The following RALYL variants were observed in gnomAD, a reference collection of about 807,000 sequenced individuals.
RALYL encodes RALY RNA binding protein like.
A neutral mutation model predicts 35.1 loss-of-function variants in RALYL; 29 were observed. The ratio of observed to expected loss-of-function variants is 0.83; its 90% CI spans 0.61 to 1.13. The LOEUF (loss-of-function observed/expected upper bound fraction) is 1.13, where lower values mean the gene tolerates loss of function less well. RALYL is among the 50% of genes most tolerant of loss of function. RALYL has a pLI of 0.00. For synonymous variants in RALYL, 120 were observed against 127.6 expected (o/e 0.94, Z 0.40); for missense variants, 359 against 360.4 (o/e 1.00, Z 0.03).
intron 1 of RALYL, among the ~76,000 whole-genome samples, chr8:84,464,757 A>G (rs2051321158): frequency 6.6e-6 from 1 of 150,850 alleles, no homozygotes; most frequent in Non-Finnish European, 1.5e-5. Context: ...AGTCCCACCA[A>G]CAGTGTAAAA....
chr8:84,357,432 A>T (rs1852064761), intron 1 of RALYL, among the ~76,000 whole-genome samples: 2 of 152,000 alleles, frequency 1.3e-5, no homozygotes, highest in Non-Finnish European at 2.9e-5. Context: ...ATTTCTCATT[A>T]TATGCCAAGC....
At chr8:84,308,575 G>C (rs1842236468) in intron 1 of RALYL, among the ~76,000 whole-genome samples, 1 of 152,222 alleles carries the variant, frequency 6.6e-6, no homozygotes, top group East Asian at 1.9e-4. Context: ...GCATGCTAGG[G>C]AGTGAAGTTG....
rs1186999418 is a variant in RALYL, at chr8:84,868,062, A to G, written c.572-5222A>G. ...GTTTCTTGTCTGTCACTAGTTATAGAGTCCATGAGACCAGGGAGGCAGTTC... is the reference window on the plus strand; with the variant it reads ...GTTTCTTGTCTGTCACTAGTTATAGGGTCCATGAGACCAGGGAGGCAGTTC... On this transcript the variant is annotated intron_variant, in intron 6 of 8. Coordinates refer to ENST00000521268, the MANE Select transcript of RALYL (RefSeq NM_173848.7). Among the ~76,000 whole-genome samples, 6 of 152,152 alleles carry G rather than the reference A, an allele frequency of 3.9e-5. No homozygotes were observed. The East Asian group carries it at 1.2e-3, about 29-fold the overall frequency.
intron 1 of RALYL, among the ~76,000 whole-genome samples, chr8:84,352,355 A>G (rs978818489): frequency 2.0e-5 from 3 of 150,482 alleles, no homozygotes; most frequent in Non-Finnish European, 4.4e-5. Context: ...TAAACAAGAG[A>G]TATGGAAATT....
At chr8:84,415,205 G>GTTTTTTTTTTTTTTTT (rs33962115) in intron 1 of RALYL, among the ~76,000 whole-genome samples, 2 of 54,658 alleles carry the variant, frequency 3.7e-5, no homozygotes, top group Admixed American at 1.7e-4. Flanking sequence ...GCAGACACTC[G>GTTTTTTTTTTTTTTTT]TTTTTTTTTT....
At chr8:84,623,232 T>G (rs1821959051) in intron 2 of RALYL, among the ~76,000 whole-genome samples, 1 of 152,162 alleles carries the variant, frequency 6.6e-6, no homozygotes, top group African/African-American at 2.4e-5. Context: ...GGGCACAAGT[T>G]TTTCATAGGT....
intron 2 of RALYL, among the ~76,000 whole-genome samples, chr8:84,645,251 T>C (rs538658907): frequency 7.9e-5 from 12 of 152,106 alleles, no homozygotes; most frequent in Non-Finnish European, 1.6e-4. Context: ...TGTTGTGTTT[T>C]TGTTGTTGTT....
chr8:84,705,405 C>A (rs1841022892), intron 2 of RALYL, among the ~76,000 whole-genome samples: 2 of 152,020 alleles, frequency 1.3e-5, no homozygotes, highest in Admixed American at 1.3e-4. Context: ...ATTGTGTGCA[C>A]CTTCTATGTA....
At chr8:84,419,022 C>T (rs373274930) in intron 1 of RALYL, among the ~76,000 whole-genome samples, 1 of 152,220 alleles carries the variant, frequency 6.6e-6, no homozygotes, top group East Asian at 1.9e-4. Context: ...TGTTTTACAT[C>T]CCTCTCTTGT....
At chr8:84,679,496 G>A (rs1198961407) in intron 2 of RALYL, 2 of 340,944 alleles carry the variant, frequency 5.9e-6, no homozygotes, top group South Asian at 2.5e-5. Context: ...GCTTCATTGA[G>A]TTATTGGATA....
chr8:84,798,891 AG>A (rs1822544433), intron 3 of RALYL, among the ~76,000 whole-genome samples: 1 of 152,230 alleles, frequency 6.6e-6, no homozygotes. Context: ...GATGCCACCC[AG>A]ACAGTGAGCA....
intron 2 of RALYL, among the ~76,000 whole-genome samples, chr8:84,597,421 T>G (rs1216259561): frequency 6.6e-6 from 1 of 152,080 alleles, no homozygotes; most frequent in Admixed American, 6.6e-5. Flanking sequence ...CATTCTTGAT[T>G]TTTCTCCCTC....
chr8:84,613,809 T>C (rs981822329), intron 2 of RALYL, among the ~76,000 whole-genome samples: 1 of 150,788 alleles, frequency 6.6e-6, no homozygotes, highest in Non-Finnish European at 1.5e-5. Flanking sequence ...GCAAAATTAT[T>C]ACTTAAGGTC....
At chr8:84,449,070 G>GTTTTTTTTTTTTTTTT (rs1215015705) in intron 1 of RALYL, among the ~76,000 whole-genome samples, 1 of 134,830 alleles carries the variant, frequency 7.4e-6, no homozygotes, top group African/African-American at 2.8e-5. Flanking sequence ...TTAGCTGTTA[G>GTTTTTTTTTTTTTTTT]TTTTTTTGTT....
intron 1 of RALYL, among the ~76,000 whole-genome samples, chr8:84,323,905 A>C (rs529735149): frequency 6.6e-6 from 1 of 152,224 alleles, no homozygotes; most frequent in East Asian, 1.9e-4. Context: ...AAATACTAGC[A>C]TGTGTTAAAA....
At chr8:84,477,591 TATAA>T (rs1357304403) in intron 1 of RALYL, among the ~76,000 whole-genome samples, 2 of 150,736 alleles carry the variant, frequency 1.3e-5, no homozygotes, top group East Asian at 1.9e-4. Flanking sequence ...ACAGATTTAT[TATAA>T]ATAAATAAAT....
rs559777828 is a variant in RALYL, at chr8:84,685,878, G to C, written c.257-88701G>C. Among the ~76,000 whole-genome samples the C allele has an allele frequency of 6.2e-4, 94 of 152,276 alleles. No homozygotes were observed. In the South Asian group the frequency reaches 0.013, roughly 21 times the overall value. ...GGAAGTGAGTATTAAAAGGGTTGCA[G>C]CTTGTGAATTATTAGGAAGTAGGAG... On this transcript the variant is annotated intron_variant, in intron 2 of 8. Transcript: ENST00000521268.
intron 2 of RALYL, among the ~76,000 whole-genome samples, chr8:84,654,270 C>CATGTAT (rs1829461482): frequency 2.2e-5 from 1 of 44,478 alleles, no homozygotes; most frequent in Non-Finnish European, 5.7e-5. Context: ...TCTCATGTTC[C>CATGTAT]ATATATATAT....
chr8:84,533,724 T>C (rs1056273997), intron 2 of RALYL, among the ~76,000 whole-genome samples: 5 of 152,184 alleles, frequency 3.3e-5, no homozygotes, highest in Admixed American at 1.3e-4. Context: ...ACATTGTAAG[T>C]GTCTTGCAAA....
Sources: gnomAD v4.1 joint callset for allele counts (sites outside exome capture counted in the v4.1 genomes callset) on GRCh38, gnomAD v4.1.1 for gene constraint, MANE v1.5 for transcripts, NCBI Gene and HGNC (gene_info 2026-07-23, HGNC 2026-07-21) for gene names.